Variants in KRABD3 observed in about 807,000 individuals in gnomAD.
KRABD3 encodes the protein KRAB domain-containing protein 3.
chr7:149,723,418 AT>A, the KRABD3 span: 1 of 360,742 alleles, frequency 2.8e-6, no homozygotes, highest in Non-Finnish European at 5.1e-6. Context: ...GTACAACTCC[AT>A]TTTCCTCAAA....
chr7:149,729,145 G>A, the KRABD3 span: 1 of 1,415,714 alleles, frequency 7.1e-7, no homozygotes, highest in Non-Finnish European at 9.3e-7. Context: ...GCAGCACGAG[G>A]CCCCGTGGGG....
the KRABD3 span, chr7:149,722,904 C>A: frequency 1.9e-6 from 3 of 1,613,304 alleles, no homozygotes; most frequent in Admixed American, 5.0e-5. Flanking sequence ...CTAGCCTGGG[C>A]ACGTCCAGGC....
the KRABD3 span, chr7:149,719,327 G>A: frequency 2.2e-6 from 1 of 451,854 alleles, no homozygotes; most frequent in Non-Finnish European, 3.9e-6. This position sits in a 1 kb window ranked among gnomAD's most constrained non-coding sequence, Gnocchi z 5.6. Context: ...TCTAAATAAG[G>A]TCCTACTTAC....
At chr7:149,725,512 G>T in the KRABD3 span, 1 of 1,582,918 alleles carries the variant, frequency 6.3e-7, no homozygotes. Flanking sequence ...ATGGGCGCGG[G>T]GTGGCATGTC....
At chr7:149,722,907 G>C in the KRABD3 span, 3 of 1,613,112 alleles carry the variant, frequency 1.9e-6, no homozygotes, top group African/African-American at 2.7e-5. Context: ...GCCTGGGCAC[G>C]TCCAGGCTAA....
chr7:149,715,318 C>G, the KRABD3 span: 1 of 1,215,448 alleles, frequency 8.2e-7, no homozygotes, highest in African/African-American at 1.6e-5. Flanking sequence ...ACAAGTTATC[C>G]TGGTAGAGTG....
the KRABD3 span, chr7:149,730,334 C>A: frequency 1.3e-6 from 2 of 1,543,372 alleles, no homozygotes; most frequent in Non-Finnish European, 1.8e-6. Flanking sequence ...GGAAGCCGCT[C>A]CCCCAGGGTG....
At chr7:149,732,040 G>A in the KRABD3 span, among the ~76,000 whole-genome samples, 3 of 152,220 alleles carry the variant, frequency 2.0e-5, no homozygotes, top group Non-Finnish European at 2.9e-5. This position sits in a 1 kb window ranked among gnomAD's most constrained non-coding sequence, Gnocchi z 4.0. Context: ...GAATAGGTGA[G>A]GAAACTGAGG....
the KRABD3 span, chr7:149,731,636 T>C: frequency 6.6e-7 from 1 of 1,516,646 alleles, no homozygotes; most frequent in Non-Finnish European, 9.1e-7. Context: ...CAAACGATCG[T>C]CTCCCTGCCC....
At chr7:149,725,201 G>A in the KRABD3 span, 4 of 1,058,066 alleles carry the variant, frequency 3.8e-6, no homozygotes, top group Admixed American at 5.9e-5. Flanking sequence ...GCCAGAGCCT[G>A]GTACAGGACT....
chr7:149,724,850 G>A, the KRABD3 span: 1 of 1,568,856 alleles, frequency 6.4e-7, no homozygotes, highest in East Asian at 2.3e-5. Flanking sequence ...GAGGCTCAAG[G>A]TGAGGCCTGA....
chr7:149,726,225 G>A, the KRABD3 span, among the ~76,000 whole-genome samples: 1 of 152,172 alleles, frequency 6.6e-6, no homozygotes, highest in African/African-American at 2.4e-5. Context: ...GGTGGGTTGT[G>A]GGAGCCTAGG....
chr7:149,721,008 G>A, the KRABD3 span: 2 of 1,611,952 alleles, frequency 1.2e-6, no homozygotes, highest in Non-Finnish European at 1.7e-6. Context: ...AGACAGTGGG[G>A]CAGTGCACGC....
chr7:149,729,973 C>G, the KRABD3 span: 3 of 1,299,206 alleles, frequency 2.3e-6, no homozygotes, highest in South Asian at 8.2e-5. Flanking sequence ...CAGGCTCTGG[C>G]TTCACTTTTG....
chr7:149,719,889 T>G, the KRABD3 span: 1 of 1,306,546 alleles, frequency 7.7e-7, no homozygotes, highest in South Asian at 1.6e-5. The surrounding 1 kb of genome is among the most constrained non-coding windows in gnomAD (Gnocchi z 5.6). Context: ...CTGCGGTTCT[T>G]TGAGTTTAAG....
At chr7:149,725,223 T>TA in the KRABD3 span, 1 of 1,320,038 alleles carries the variant, frequency 7.6e-7, no homozygotes, top group Admixed American at 2.5e-5. Context: ...GTCACCCCTG[T>TA]AGAAAGCACG....
At chr7:149,725,518 A>G in the KRABD3 span, 4 of 1,577,594 alleles carry the variant, frequency 2.5e-6, no homozygotes, top group South Asian at 4.6e-5. Context: ...GCGGGGTGGC[A>G]TGTCCCTGAG....
the KRABD3 span, among the ~76,000 whole-genome samples, chr7:149,728,005 G>C: frequency 6.6e-6 from 1 of 152,270 alleles, no homozygotes; most frequent in Non-Finnish European, 1.5e-5. Flanking sequence ...CCTCACTCTA[G>C]AGTTTCAGTC....
the KRABD3 span, chr7:149,724,939 C>G: frequency 9.0e-7 from 1 of 1,110,802 alleles, no homozygotes; most frequent in Non-Finnish European, 1.2e-6. Context: ...AAGCAGCTCT[C>G]AGCAGGGAGC....
Sources: allele counts gnomAD v4.1 joint callset (sites outside exome capture counted in the v4.1 genomes callset), GRCh38; gene constraint gnomAD v4.1.1; non-coding constraint Gnocchi (gnomAD v3.1); transcripts MANE v1.5; gene names NCBI Gene and HGNC (gene_info 2026-07-23, HGNC 2026-07-21).